WDR31: variants seen among roughly 807,000 people sequenced by gnomAD.
The protein encoded by WDR31 is WD repeat-containing protein 31.
In WDR31, 30 loss-of-function variants were observed where a neutral mutation model predicts 47.3. That is an observed-to-expected ratio of 0.63 (90% confidence interval 0.47 to 0.86). The LOEUF (loss-of-function observed/expected upper bound fraction) is 0.86, where lower values mean the gene tolerates loss of function less well. WDR31 is among the 40% of genes least tolerant of loss of function. The pLI is 0.00. For synonymous variants in WDR31, 137 were observed against 159.4 expected (o/e 0.86, Z 1.06); for missense variants, 406 against 442.9 (o/e 0.92, Z 0.75).
At chr9:113,339,315 A>C (rs1833780293) in intron 1 of WDR31, among the ~76,000 whole-genome samples, 1 of 152,184 alleles carries the variant, frequency 6.6e-6, no homozygotes, top group South Asian at 2.1e-4. Flanking sequence ...GACTTGCTGA[A>C]GGTCACAGGG....
intron 9 of WDR31, 71 bp from the exon 10 acceptor site, chr9:113,318,708 T>A (rs1036041840): frequency 1.3e-6 from 2 of 1,536,384 alleles, no homozygotes; most frequent in African/African-American, 2.7e-5. Flanking sequence ...TATCTCCCCC[T>A]ACCCCCATGA....
intron 10 of WDR31, 95 bp from the exon 11 acceptor site, chr9:113,317,004 C>T (rs1833220729): frequency 1.4e-6 from 2 of 1,402,448 alleles, no homozygotes; most frequent in Admixed American, 4.5e-5. Flanking sequence ...AAAGCATTTG[C>T]TGTACATATC....
intron 1 of WDR31, among the ~76,000 whole-genome samples, chr9:113,339,842 G>C (rs1833792643): frequency 6.6e-6 from 1 of 152,296 alleles, no homozygotes; most frequent in Non-Finnish European, 1.5e-5. Context: ...CCGGGTTCTA[G>C]CAGTTCTCCT....
chr9:113,324,872 G>GTA (rs1564303430), intron 5 of WDR31, among the ~76,000 whole-genome samples: 1 of 140,198 alleles, frequency 7.1e-6, no homozygotes, highest in East Asian at 2.0e-4. Flanking sequence ...GTGTGTGTGT[G>GTA]TACAAATATC....
rs1270964681 is a variant in WDR31 at position 113,318,556 on chromosome 9, G to A, written c.862C>T (p.Pro288Ser). Reference protein sequence around the residue: ...FQTVASCVFLPRALALMPLIA... With the variant: ...FQTVASCVFLSRALALMPLIA... ...AAAGGCATCAAGGCCAATGCTCTTGGTAGAAAGACGCAGGATGCGACAGTC... is the reference window on the plus strand; with the variant it reads ...AAAGGCATCAAGGCCAATGCTCTTGATAGAAAGACGCAGGATGCGACAGTC... Residue 288 changes from proline to serine, a missense_variant, in exon 10 of 11, where the codon CCA becomes TCA. Coordinates refer to ENST00000374193, the MANE Select transcript of WDR31 (RefSeq NM_001012361.4). 3.7e-6 allele frequency: 6 copies of A among 1,614,210 alleles called. No individual in the cohort carries two copies. Among genetic ancestry groups the A allele is most frequent in the Non-Finnish European group, 5.1e-6 (6 of 1,180,040 alleles).
intron 10 of WDR31, 99 bp downstream of exon 10, chr9:113,318,376 G>T: frequency 7.2e-7 from 1 of 1,383,240 alleles, no homozygotes. Flanking sequence ...GGCAGAAGAT[G>T]GGTGGCTTTG....
intron 5 of WDR31, among the ~76,000 whole-genome samples, chr9:113,328,233 A>AT (rs998216009): frequency 2.6e-5 from 4 of 152,232 alleles, no homozygotes; most frequent in African/African-American, 4.8e-5. Flanking sequence ...GGATAAGTGC[A>AT]TTACAGCATG....
chr9:113,337,051 G>A (rs540982442), intron 1 of WDR31, among the ~76,000 whole-genome samples: 96 of 152,258 alleles, frequency 6.3e-4, no homozygotes, highest in African/African-American at 2.1e-3. Context: ...TCTAAATATT[G>A]ATTGACAGTG....
At chr9:113,324,298 C>A (rs1278399663) in intron 5 of WDR31, among the ~76,000 whole-genome samples, 1 of 151,972 alleles carries the variant, frequency 6.6e-6, no homozygotes, top group African/African-American at 2.4e-5. Context: ...TAAGCAGAAT[C>A]ATACCATATT....
At chr9:113,334,211 C>G (rs548583693) in intron 2 of WDR31, among the ~76,000 whole-genome samples, 1 of 151,938 alleles carries the variant, frequency 6.6e-6, no homozygotes, top group Non-Finnish European at 1.5e-5. Context: ...TCGCCAACTC[C>G]TGGGCTCAAG....
chr9:113,335,027 A>G (rs1037033999), intron 2 of WDR31, among the ~76,000 whole-genome samples: 4 of 152,170 alleles, frequency 2.6e-5, no homozygotes, highest in Non-Finnish European at 5.9e-5. Flanking sequence ...TCTGAGACCA[A>G]AAAGTTTGAG....
intron 2 of WDR31, among the ~76,000 whole-genome samples, chr9:113,332,715 A>G: frequency 6.9e-6 from 1 of 145,808 alleles, no homozygotes; most frequent in African/African-American, 2.8e-5. Context: ...AATAGGCTAG[A>G]TATAGTTTGG....
At chr9:113,329,896 G>A (rs1056588213) in intron 4 of WDR31, among the ~76,000 whole-genome samples, 3 of 151,928 alleles carry the variant, frequency 2.0e-5, no homozygotes, top group Non-Finnish European at 4.4e-5. Context: ...CTGGAGAATC[G>A]CTTGAACCCA....
intron 1 of WDR31, among the ~76,000 whole-genome samples, chr9:113,339,786 G>T (rs1354863414): frequency 6.6e-6 from 1 of 152,314 alleles, no homozygotes; most frequent in East Asian, 1.9e-4. Flanking sequence ...TGTCACCCAG[G>T]CTGGAGTGCA....
intron 4 of WDR31, among the ~76,000 whole-genome samples, chr9:113,330,041 T>G (rs962522240): frequency 6.6e-6 from 1 of 152,120 alleles, no homozygotes; most frequent in African/African-American, 2.4e-5. Context: ...TTAGAACCAG[T>G]GGAATGCAGT....
Position 113,332,069 on chromosome 9 carries a change from A to G in WDR31, c.-28-19T>C, listed in dbSNP as rs771053725. On this transcript the variant is annotated intron_variant, in intron 2 of 10. Coordinates refer to ENST00000374193, the MANE Select transcript of WDR31 (RefSeq NM_001012361.4). The stretch of plus-strand genomic sequence containing the variant: ...GTGTTCCCTGTTTAATAAAAAGAAG[A>G]ATACATGTTGTTAATTTTGTTAGGC... 1 of 1,539,354 alleles carries G rather than the reference A, an allele frequency of 6.5e-7. No homozygotes were observed. The highest frequency in any genetic ancestry group is 9.0e-7 in the Non-Finnish European group (1 of 1,114,652).
At chr9:113,319,936 T>C (rs961532306) in intron 9 of WDR31, among the ~76,000 whole-genome samples, 3 of 152,186 alleles carry the variant, frequency 2.0e-5, no homozygotes, top group African/African-American at 4.8e-5. Flanking sequence ...CCTAAGTTGA[T>C]GAATGTTTCT....
rs376621412 is a variant in WDR31 at position 113,324,013 on chromosome 9, C to T, written c.325-858G>A. Reference sequence around the variant, plus strand: ...GCTGACCTACTCTTCCTGTTCTGATCTCTTCCATCGTGTTTCTTTTTTTTT... The same window carrying T: ...GCTGACCTACTCTTCCTGTTCTGATTTCTTCCATCGTGTTTCTTTTTTTTT... On this transcript the variant is annotated intron_variant, in intron 5 of 10. Coordinates refer to ENST00000374193, the MANE Select transcript of WDR31 (RefSeq NM_001012361.4). Among the ~76,000 whole-genome samples, 20 of 151,612 alleles carry T rather than the reference C, an allele frequency of 1.3e-4. 1 individual carries two copies. The South Asian group carries it at 3.6e-3, about 27-fold the overall frequency.
intron 9 of WDR31, 116 bp from the exon 10 acceptor site, chr9:113,318,753 C>T: frequency 9.3e-7 from 1 of 1,075,434 alleles, no homozygotes; most frequent in Non-Finnish European, 1.4e-6. Context: ...GCTCACGTAG[C>T]TACCCCTTAT....
Sources: allele counts gnomAD v4.1 joint callset (sites outside exome capture counted in the v4.1 genomes callset), GRCh38; gene constraint gnomAD v4.1.1; transcripts MANE v1.5; gene names NCBI Gene and HGNC (gene_info 2026-07-23, HGNC 2026-07-21).